The following TEKT2 variants were observed in gnomAD, a reference collection of about 807,000 sequenced individuals.
TEKT2 encodes tektin 2.
Under a neutral mutation model 49.8 loss-of-function variants are expected in TEKT2, and 45 were observed. That is an observed-to-expected ratio of 0.90 (90% CI 0.71 to 1.16). The LOEUF (loss-of-function observed/expected upper bound fraction) is 1.16. Among genes scored for constraint, TEKT2 ranks in the 50% most tolerant of loss-of-function variants. The pLI, the probability that TEKT2 is intolerant of heterozygous loss-of-function variation, is 0.00. For synonymous variants in TEKT2, 202 were observed against 224.6 expected (o/e 0.90, Z 0.90); for missense variants, 523 against 551.4 (o/e 0.95, Z 0.52).
intron 3 of TEKT2, among the ~76,000 whole-genome samples, 173 bp downstream of exon 3, chr1:36,085,461 A>AC (rs1325734689): frequency 8.8e-6 from 1 of 114,134 alleles, no homozygotes; most frequent in Non-Finnish European, 1.8e-5. Context: ...CCCCACCAGC[A>AC]CCCCCGCCCA....
chr1:36,088,242 A>G lies in TEKT2; in HGVS notation c.*56A>G. ...TGGGTGGGCAATGGAAGGAGGGAGG[A>G]GAGAAATGAATGGAATAAATGCAGA... is the stretch of plus-strand genomic sequence containing the variant. On this transcript the variant is annotated 3_prime_UTR_variant, in exon 10 of 10. Transcript: ENST00000207457. The G allele has an allele frequency of 6.8e-7, 1 of 1,462,412 alleles. No homozygotes were observed. Among genetic ancestry groups the G allele is most frequent in the South Asian group, 1.2e-5 (1 of 84,462 alleles). The allele number at this position is 1,462,412 out of a possible 1,614,324, so 90.6% of individuals were successfully genotyped here.
chr1:36,087,365 C>T lies in TEKT2; in HGVS notation c.855+54C>T, dbSNP rs963495423. On this transcript the variant is annotated intron_variant, in intron 7 of 9. Coordinates refer to ENST00000207457, the MANE Select transcript of TEKT2 (RefSeq NM_014466.3). This position sits in a 1 kb window ranked among gnomAD's most constrained non-coding sequence, Gnocchi z 4.9. ...TGCTGTGGGATGAGAAGCCGCATGC[C>T]CCCGCCAGGAGGCACTGGACCAGGC... 7.4e-6 allele frequency: 12 copies of T among 1,613,696 alleles called. No individual in the cohort carries two copies. The African/African-American group carries it at 1.2e-4, about 16-fold the overall frequency.
chr1:36,084,978 TAAC>T lies in TEKT2; in HGVS notation c.59_61del (p.Asn20del). 6.2e-7 allele frequency: 1 copy of T among 1,614,044 alleles called. No homozygotes were observed. Among genetic ancestry groups the T allele is most frequent in the Non-Finnish European group, 8.5e-7 (1 of 1,180,022 alleles). Reference sequence around the variant, plus strand: ...GCTTCCAGCTGCCCGACTGGCACACTAACAGCTACCTGCTATCCACCAATGCCC... The same window carrying T: ...GCTTCCAGCTGCCCGACTGGCACACTAGCTACCTGCTATCCACCAATGCCC... On this transcript the variant is annotated inframe_deletion, in exon 2 of 10. Transcript: ENST00000207457. The surrounding 1 kb of genome is among the most constrained non-coding windows in gnomAD (Gnocchi z 4.1).
rs968921660 is a variant in TEKT2 at position 36,087,184 on chromosome 1, C to A, written c.748-20C>A. ...GCCCTGAGTGTAGACCCTCCCCTTG[C>A]CCTGTGTTTTCTCCTTCAGACCAAC... is the stretch of plus-strand genomic sequence containing the variant. On this transcript the variant is annotated intron_variant, in intron 6 of 9. Coordinates refer to ENST00000207457, the MANE Select transcript of TEKT2 (RefSeq NM_014466.3). The surrounding 1 kb of genome is among the most constrained non-coding windows in gnomAD (Gnocchi z 4.9). 2.5e-6 allele frequency: 4 copies of A among 1,613,676 alleles called. No individual in the cohort carries two copies. In the African/African-American group the frequency reaches 5.3e-5, roughly 22 times the overall value.
chr1:36,085,636 T>C (rs1221278912), intron 3 of TEKT2, 200 bp from the exon 4 acceptor site: 1 of 605,426 alleles, frequency 1.7e-6, no homozygotes, highest in Non-Finnish European at 2.9e-6. Context: ...TGCCTCAGCC[T>C]CCTGAGTAAA....
In TEKT2 at chr1:36,085,986, G is replaced by A. The variant is rs113338638; in HGVS notation, c.433G>A (p.Glu145Lys). 512 of 1,609,476 alleles carry A rather than the reference G, an allele frequency of 3.2e-4. 5 individuals carry two copies. The African/African-American group carries it at 4.8e-3, about 15-fold the overall frequency. ...DELHKEVEVI[E>K]ATKKALQQKV... ...GCTGCATAAAGAGGTGGAGGTCATC[G>A]AGGCCACCAAGAAGGCCTTGCAACA... Residue 145 changes from glutamate (E) to lysine (K), a missense_variant, in exon 4 of 10, where the codon GAG becomes AAG. By Grantham distance (56) the Glu-to-Lys change is moderately conservative (BLOSUM62 1). Transcript: ENST00000207457.
intron 3 of TEKT2, among the ~76,000 whole-genome samples, chr1:36,085,507 C>CTTTT (rs1159834731): frequency 5.6e-3 from 460 of 82,524 alleles, no homozygotes; most frequent in East Asian, 0.013. Context: ...TCTTTCTTTT[C>CTTTT]TTTTTTTTTT....
In TEKT2 at chr1:36,085,923, C is replaced by A; in HGVS notation, c.370C>A (p.Arg124=). 1.2e-6 allele frequency: 2 copies of A among 1,613,968 alleles called. No homozygotes were observed. The highest frequency in any genetic ancestry group is 8.5e-7 in the Non-Finnish European group (1 of 1,179,980). ...GTGCCTGACCCTGCGGGAAAGCCGG[C>A]GAGACATTGATGTGGTGAAGGACCC... The part of the protein sequence containing the change: ...IECLTLRESR[R]DIDVVKDPVE... Residue 124 remains arginine, a synonymous_variant, in exon 4 of 10, where the codon CGA becomes AGA. Transcript: ENST00000207457.
chr1:36,087,327 G>T lies in TEKT2; in HGVS notation c.855+16G>T. 1 of 1,613,926 alleles carries T rather than the reference G, an allele frequency of 6.2e-7. No homozygotes were observed. The highest frequency in any genetic ancestry group is 8.5e-7 in the Non-Finnish European group (1 of 1,179,956). ...AGAGAAGAATGTGAGCATCTCCAGGGGCCTGGACTTCCTGCTGTGGGATGA... is the reference window on the plus strand; with the variant it reads ...AGAGAAGAATGTGAGCATCTCCAGGTGCCTGGACTTCCTGCTGTGGGATGA... On this transcript the variant is annotated intron_variant, in intron 7 of 9. Transcript: ENST00000207457. The surrounding 1 kb of genome is among the most constrained non-coding windows in gnomAD (Gnocchi z 4.9).
chr1:36,087,235 CA>C lies in TEKT2; in HGVS notation c.781del (p.Thr261ArgfsTer49). On this transcript the variant is annotated frameshift_variant, in exon 7 of 10. Transcript: ENST00000207457. LOFTEE classifies it high-confidence loss of function. This position sits in a 1 kb window ranked among gnomAD's most constrained non-coding sequence, Gnocchi z 4.9. ...TNNELEAQRV[A>X]TEFAFRKRLR... is the part of the protein sequence containing the mutation. The stretch of plus-strand genomic sequence containing the variant: ...AACGAGCTTGAAGCCCAGAGAGTTG[CA>C]ACGGAATTTGCCTTCAGGAAGCGGC... 1.2e-6 allele frequency: 2 copies of C among 1,614,118 alleles called. No individual in the cohort carries two copies. The highest frequency in any genetic ancestry group is 1.7e-6 in the Non-Finnish European group (2 of 1,180,034).
chr1:36,088,048 G>C lies in TEKT2; in HGVS notation c.1155G>C (p.Leu385=). The C allele has an allele frequency of 6.2e-7, 1 of 1,612,894 alleles. No individual in the cohort carries two copies. The highest frequency in any genetic ancestry group is 8.5e-7 in the Non-Finnish European group (1 of 1,179,836). Residue 385 remains leucine, a synonymous_variant, in exon 10 of 10, where the codon CTG becomes CTC. Transcript: ENST00000207457. ...TTGCCTGCAAGGCCAACTCCATGCT[G>C]CTGGACACCAAGTGCATGGACACAC... ...ADIACKANSM[L]LDTKCMDTRR... is the part of the protein sequence containing the mutation.
chr1:36,087,111 G>C lies in TEKT2; in HGVS notation c.747+66G>C. 1.2e-6 allele frequency: 2 copies of C among 1,605,654 alleles called. No homozygotes were observed. Among genetic ancestry groups the C allele is most frequent in the Admixed American group, 3.4e-5 (2 of 59,372 alleles). On this transcript the variant is annotated intron_variant, in intron 6 of 9. Coordinates refer to ENST00000207457, the MANE Select transcript of TEKT2 (RefSeq NM_014466.3). This position sits in a 1 kb window ranked among gnomAD's most constrained non-coding sequence, Gnocchi z 4.9. ...GCTCAGCCCTTATCTTCTGTTCCCT[G>C]CTGTGCATGTGGCCCCCTGCCCCTC...
chr1:36,088,050 T>A lies in TEKT2; in HGVS notation c.1157T>A (p.Leu386Gln), dbSNP rs750302885. 6.2e-7 allele frequency: 1 copy of A among 1,612,916 alleles called. No individual in the cohort carries two copies. The highest frequency in any genetic ancestry group is 1.1e-5 in the South Asian group (1 of 91,000). The change falls in exon 10 of 10, where the codon CTG (leucine) becomes CAG (glutamine). Residue 386 changes from leucine (L) to glutamine (Q), a missense_variant. Coordinates refer to ENST00000207457, the MANE Select transcript of TEKT2 (RefSeq NM_014466.3). ...GCCTGCAAGGCCAACTCCATGCTGC[T>A]GGACACCAAGTGCATGGACACACGG... ...DIACKANSML[L>Q]DTKCMDTRRK... is the part of the protein sequence containing the mutation.
rs1179281893 is a variant in TEKT2 at position 36,085,517 on chromosome 1, T to C, written c.282+229T>C. Among the ~76,000 whole-genome samples, 16 of 137,374 alleles carry C rather than the reference T, an allele frequency of 1.2e-4. 2 individuals carry two copies. Among genetic ancestry groups the C allele is most frequent in the African/African-American group, 2.5e-4 (9 of 36,310 alleles). 90.1% of individuals were successfully genotyped at this position (137,374 alleles called of 152,430 possible). On this transcript the variant is annotated intron_variant, in intron 3 of 9. Coordinates refer to ENST00000207457, the MANE Select transcript of TEKT2 (RefSeq NM_014466.3). ...TTCTTTCTTTCTTTTCTTTTTTTTTTTTTTTTTTTTTTTTTGAGACAGCAT... is the reference window on the plus strand; with the variant it reads ...TTCTTTCTTTCTTTTCTTTTTTTTTCTTTTTTTTTTTTTTTGAGACAGCAT...
Position 36,088,190 on chromosome 1 carries a change from TGGA to T in TEKT2, c.*8_*10del. On this transcript the variant is annotated 3_prime_UTR_variant, in exon 10 of 10. Coordinates refer to ENST00000207457, the MANE Select transcript of TEKT2 (RefSeq NM_014466.3). Reference sequence around the variant, plus strand: ...CTGCCAGCTGGAGCTGGCCTAGCCTTGGAGGACTGCAGGAGGAGGGCAGGGTTG... The same window carrying T: ...CTGCCAGCTGGAGCTGGCCTAGCCTTGGACTGCAGGAGGAGGGCAGGGTTG... 6.2e-7 allele frequency: 1 copy of T among 1,606,730 alleles called. No homozygotes were observed. Among genetic ancestry groups the T allele is most frequent in the African/African-American group, 1.3e-5 (1 of 74,428 alleles).
Position 36,087,296 on chromosome 1 carries a change from G to C in TEKT2, c.840G>C (p.Lys280Asn). Residue 280 changes from lysine to asparagine, a missense_variant, in exon 7 of 10, where the codon AAG (lysine) becomes AAC (asparagine). Lys to Asn is a moderately conservative substitution (Grantham distance 94). Coordinates refer to ENST00000207457, the MANE Select transcript of TEKT2 (RefSeq NM_014466.3). This position sits in a 1 kb window ranked among gnomAD's most constrained non-coding sequence, Gnocchi z 4.9. ...TGGAGAAAGTGTACAGTGAGCTCAA[G>C]TGGCAAGAGAAGAATGTGAGCATCT... Reference protein sequence around the residue: ...REMEKVYSELKWQEKNTLEEI... With the variant: ...REMEKVYSELNWQEKNTLEEI... 6.2e-7 allele frequency: 1 copy of C among 1,614,128 alleles called. No individual in the cohort carries two copies.
At chr1:36,085,135 C>T (rs756512121) in intron 2 of TEKT2, 28 bp from the exon 3 acceptor site, 18 of 1,614,128 alleles carry the variant, frequency 1.1e-5, no homozygotes, top group Admixed American at 1.7e-5. Context: ...CCCTTGACAC[C>T]CTCTCTATCT....
Position 36,087,048 on chromosome 1 carries a change from G to A in TEKT2, c.747+3G>A. On this transcript the variant is annotated splice_donor_region_variant and intron_variant, in intron 6 of 9. Coordinates refer to ENST00000207457, the MANE Select transcript of TEKT2 (RefSeq NM_014466.3). The surrounding 1 kb of genome is among the most constrained non-coding windows in gnomAD (Gnocchi z 4.9). ...CCACTGCTCTAACTATTGCTGAGGT[G>A]ACAGGCCACCCACAGCTAATGGATG... The A allele has an allele frequency of 6.2e-7, 1 of 1,613,670 alleles. No individual in the cohort carries two copies. The highest frequency in any genetic ancestry group is 1.1e-5 in the South Asian group (1 of 91,006).
intron 4 of TEKT2, 23 bp downstream of exon 4, chr1:36,086,064 G>A (rs200649133): frequency 8.8e-5 from 137 of 1,556,534 alleles, no homozygotes; most frequent in South Asian, 3.0e-4. Context: ...CAGGTCGTCC[G>A]CATGTTCATG....
Sources: gnomAD v4.1 joint callset for allele counts (sites outside exome capture counted in the v4.1 genomes callset) on GRCh38, gnomAD v4.1.1 for gene constraint, Gnocchi (gnomAD v3.1) non-coding constraint, MANE v1.5 for transcripts, NCBI Gene and HGNC (gene_info 2026-07-23, HGNC 2026-07-21) for gene names.